The following ASRGL1 variants were observed in gnomAD, a reference collection of about 807,000 sequenced individuals.
ASRGL1 encodes asparaginase and isoaspartyl peptidase 1.
A neutral mutation model predicts 22.4 loss-of-function variants in ASRGL1; 16 were observed. The ratio of observed to expected loss-of-function variants is 0.71; its 90% CI spans 0.48 to 1.08. The LOEUF (loss-of-function observed/expected upper bound fraction) is 1.08, where lower values mean the gene tolerates loss of function less well. Among genes scored for constraint, ASRGL1 ranks in the 50% least tolerant of loss-of-function variants. ASRGL1 has a pLI of 0.00. For synonymous variants in ASRGL1, 165 were observed against 159.3 expected, an observed-to-expected ratio of 1.04 and a Z score of -0.27; for missense variants, 412 against 410.1, an observed-to-expected ratio of 1.00 and a Z score of -0.04.
intron 2 of ASRGL1, among the ~76,000 whole-genome samples, chr11:62,341,472 T>TA (rs1945861592): frequency 6.6e-6 from 1 of 152,152 alleles, no homozygotes; most frequent in African/African-American, 2.4e-5. Context: ...GTGCTGGGAT[T>TA]ACAGGTGTGA....
intron 4 of ASRGL1, among the ~76,000 whole-genome samples, chr11:62,378,484 A>AT (rs1214197158): frequency 2.0e-5 from 3 of 152,102 alleles, no homozygotes; most frequent in African/African-American, 4.8e-5. Context: ...TTTATTATTT[A>AT]TGGCTGGTAT....
intron 3 of ASRGL1, among the ~76,000 whole-genome samples, 170 bp downstream of exon 3, chr11:62,356,637 A>T (rs974003759): frequency 3.3e-5 from 5 of 152,228 alleles, no homozygotes; most frequent in Non-Finnish European, 5.9e-5. Context: ...TTGACTAGGA[A>T]TCACTTGACC....
Position 62,356,326 on chromosome 11 carries a change from T to C in ASRGL1, c.192T>C (p.Gly64=), listed in dbSNP as rs1183773629. Residue 64 remains glycine (G), a splice_region_variant and synonymous_variant, in exon 3 of 7, where the codon GGT becomes GGC. Coordinates refer to ENST00000415229, the MANE Select transcript of ASRGL1 (RefSeq NM_001083926.2). The part of the protein sequence containing the change: ...ALEDDPEFNA[G]CGSVLNTNGE... ...TTTTCAACTTCTTTTTGGTTTTAGG[T>C]TGTGGGTCTGTCTTGAACACAAATG... 13 of 1,613,710 alleles carry C rather than the reference T, an allele frequency of 8.1e-6. No homozygotes were observed. The highest frequency in any genetic ancestry group is 1.7e-5 in the Admixed American group (1 of 59,888).
At chr11:62,394,196 A>C (rs1326568184), downstream of ASRGL1, among the ~76,000 whole-genome samples, 1 of 130,960 alleles carries the variant, frequency 7.6e-6, no homozygotes, top group Middle Eastern at 3.3e-3. Context: ...ATATACTATT[A>C]TATATAATAT....
chr11:62,365,748 G>A (rs11231053), intron 4 of ASRGL1, among the ~76,000 whole-genome samples: 50,954 of 151,902 alleles, frequency 0.34, 10,034 homozygotes, highest in Middle Eastern at 0.48. Context: ...TATTTGAGAG[G>A]CTGAAGCAGA....
intron 2 of ASRGL1, among the ~76,000 whole-genome samples, chr11:62,345,971 C>T (rs1404572501): frequency 6.6e-6 from 1 of 152,186 alleles, no homozygotes; most frequent in Non-Finnish European, 1.5e-5. Context: ...AGACCAGTAC[C>T]AGTACCTGGG....
intron 4 of ASRGL1, among the ~76,000 whole-genome samples, chr11:62,357,588 C>T (rs1464994670): frequency 2.6e-5 from 4 of 151,884 alleles, no homozygotes; most frequent in African/African-American, 7.2e-5. Context: ...AGAAGAATTT[C>T]ACGTATTAAT....
intron 4 of ASRGL1, among the ~76,000 whole-genome samples, chr11:62,380,990 G>A (rs529138192): frequency 7.2e-5 from 11 of 152,276 alleles, no homozygotes; most frequent in African/African-American, 2.6e-4. Context: ...CTGCCCTGTG[G>A]TGCTGGAAAC....
At chr11:62,363,667 G>A (rs374311929) in intron 4 of ASRGL1, among the ~76,000 whole-genome samples, 4 of 152,186 alleles carry the variant, frequency 2.6e-5, no homozygotes, top group Non-Finnish European at 5.9e-5. Context: ...ATTTGAGTGT[G>A]ATCATGTAAA....
At chr11:62,370,821 G>A (rs1363521872) in intron 4 of ASRGL1, among the ~76,000 whole-genome samples, 1 of 152,046 alleles carries the variant, frequency 6.6e-6, no homozygotes, top group African/African-American at 2.4e-5. Flanking sequence ...TTTCCGTGGG[G>A]CAAGGTTTTC....
the ASRGL1 span, among the ~76,000 whole-genome samples, chr11:62,400,683 C>T: frequency 6.6e-6 from 1 of 152,140 alleles, no homozygotes; most frequent in Non-Finnish European, 1.5e-5. Context: ...ATTTTCCAAT[C>T]GGGGCCCCTG....
At position 62,381,232 on chromosome 11, in the gene ASRGL1, T is replaced by G. The variant is rs1467235634; in HGVS notation, c.492-7901T>G. Among the ~76,000 whole-genome samples the G allele has an allele frequency of 2.0e-5, 3 of 152,358 alleles. No individual in the cohort carries two copies. In the East Asian group the frequency reaches 5.8e-4, roughly 29 times the overall value. ...GTAATGTTACAGGCATCTGAACCGC[T>G]GGAAGAGGAGTTGGCCATCATGGTT... On this transcript the variant is annotated intron_variant, in intron 4 of 6. Transcript: ENST00000415229.
chr11:62,386,208 G>A (rs7116792), intron 4 of ASRGL1, among the ~76,000 whole-genome samples: 41,360 of 151,828 alleles, frequency 0.27, 5,717 homozygotes, highest in South Asian at 0.36. Context: ...ATTTTTTCTG[G>A]CAGGTGGATT....
rs368092987 is a variant in ASRGL1, at chr11:62,373,194, C to G, written c.492-15939C>G. The G allele has an allele frequency of 4.1e-6, 4 of 979,652 alleles. No individual in the cohort carries two copies. In the East Asian group the frequency reaches 9.5e-5, roughly 23 times the overall value. 60.7% of individuals were successfully genotyped at this position (979,652 alleles called of 1,614,324 possible). A position where few individuals can be genotyped will look rare whatever the true frequency, so the allele number is the denominator to read the frequency against. On this transcript the variant is annotated intron_variant, in intron 4 of 6. Transcript: ENST00000415229. ...CCTCTGATGCTCCCAGAGACTCCTC[C>G]GACTCCACACCTCTCATGGCAGCTG...
intron 2 of ASRGL1, among the ~76,000 whole-genome samples, chr11:62,350,332 AC>A: frequency 6.6e-6 from 1 of 151,990 alleles, no homozygotes; most frequent in East Asian, 1.9e-4. Flanking sequence ...TTAAACATTC[AC>A]CCGGGAAAGG....
intron 2 of ASRGL1, among the ~76,000 whole-genome samples, chr11:62,354,137 G>A (rs1480650705): frequency 1.3e-5 from 2 of 152,204 alleles, no homozygotes; most frequent in East Asian, 1.9e-4. Flanking sequence ...GATTAAATGG[G>A]TTGATGTTCT....
At chr11:62,362,875 A>C in intron 4 of ASRGL1, among the ~76,000 whole-genome samples, 12 of 77,890 alleles carry the variant, frequency 1.5e-4, no homozygotes, top group South Asian at 4.6e-4. Flanking sequence ...TGGCTACTTC[A>C]CCTTTAAAGG....
chr11:62,373,094 C>T, intron 4 of ASRGL1: 2 of 1,468,600 alleles, frequency 1.4e-6, no homozygotes, highest in Non-Finnish European at 1.9e-6. Context: ...ACTCACACTC[C>T]TTGGTGATAG....
intron 4 of ASRGL1, chr11:62,371,428 G>T: frequency 1.7e-6 from 1 of 576,590 alleles, no homozygotes; most frequent in South Asian, 2.1e-5. Flanking sequence ...CGTCAAACTT[G>T]AGACGTGCTG....
Sources: gnomAD v4.1 joint callset for allele counts (sites outside exome capture counted in the v4.1 genomes callset) on GRCh38, gnomAD v4.1.1 for gene constraint, MANE v1.5 for transcripts, NCBI Gene and HGNC (gene_info 2026-07-23, HGNC 2026-07-21) for gene names.